Variants in CDC27 observed in about 807,000 individuals in gnomAD.
The protein encoded by CDC27 is cell division cycle protein 27 homolog.
Under a neutral mutation model 109.7 loss-of-function variants are expected in CDC27, and 27 were observed. That is an observed-to-expected ratio of 0.25 (90% CI 0.18 to 0.34). The LOEUF is 0.34. Ranked by LOEUF, CDC27 falls within the 10% of genes least tolerant of loss-of-function variation. The pLI is 1.00. For missense variants in CDC27, 579 were observed against 960.2 expected (o/e 0.60, Z 5.25); for synonymous variants, 266 against 333.9 (o/e 0.80, Z 2.22).
chr17:47,182,751 A>G (rs1027906428), intron 1 of CDC27, among the ~76,000 whole-genome samples: 2 of 152,088 alleles, frequency 1.3e-5, no homozygotes, highest in African/African-American at 4.8e-5. Context: ...TATTTTATCT[A>G]TTTTACAGCA....
chr17:47,149,691 A>T (rs1233704506), intron 9 of CDC27, among the ~76,000 whole-genome samples: 1 of 152,172 alleles, frequency 6.6e-6, no homozygotes, highest in Admixed American at 6.5e-5. Flanking sequence ...ATGGTAGCTC[A>T]TGCCTGTAAT....
At chr17:47,175,570 C>A (rs573341666) in intron 2 of CDC27, among the ~76,000 whole-genome samples, 1 of 152,318 alleles carries the variant, frequency 6.6e-6, no homozygotes, top group Non-Finnish European at 1.5e-5. Flanking sequence ...AATCTCAGCA[C>A]TCTGGGAGGC....
In CDC27 at chr17:47,172,074, G is replaced by A; in HGVS notation, c.104-10C>T. ...GCTTCTTCTGAGTGTACTAAAAACA[G>A]ACATTTTTTAAAAAGGCTATTGTTC... On this transcript the variant is annotated splice_polypyrimidine_tract_variant and intron_variant, in intron 2 of 18. Transcript: ENST00000066544. The A allele has an allele frequency of 6.5e-7, 1 of 1,534,406 alleles. No homozygotes were observed. Among genetic ancestry groups the A allele is most frequent in the African/African-American group, 1.4e-5 (1 of 71,064 alleles).
chr17:47,133,385 G>A (rs1212781882), intron 14 of CDC27, among the ~76,000 whole-genome samples: 6 of 147,834 alleles, frequency 4.1e-5, no homozygotes, highest in East Asian at 2.0e-4. Flanking sequence ...TGATCCGCCC[G>A]CCTTGGCCTC....
At chr17:47,163,821 A>G (rs1173561134) in intron 4 of CDC27, among the ~76,000 whole-genome samples, 1 of 152,116 alleles carries the variant, frequency 6.6e-6, no homozygotes, top group Non-Finnish European at 1.5e-5. Context: ...CTGGAGTACA[A>G]TGGCACGATC....
chr17:47,173,632 T>C (rs1200210186), intron 2 of CDC27, among the ~76,000 whole-genome samples: 2 of 152,144 alleles, frequency 1.3e-5, no homozygotes, highest in African/African-American at 2.4e-5. Context: ...GTAGGTCCAC[T>C]TTCACTGCAA....
At position 47,130,131 on chromosome 17, in the gene CDC27, G is replaced by C. The variant is rs1434858013; in HGVS notation, c.2032-610C>G. On this transcript the variant is annotated intron_variant, in intron 15 of 18. Transcript: ENST00000066544. ...AATCTGAGCACGTTGGGAGGCCAAGGCAGGTGGATCACGAGGTCAGGAGAT... is the reference window on the plus strand; with the variant it reads ...AATCTGAGCACGTTGGGAGGCCAAGCCAGGTGGATCACGAGGTCAGGAGAT... Among the ~76,000 whole-genome samples, 4 of 152,306 alleles carry C rather than the reference G, an allele frequency of 2.6e-5. No homozygotes were observed. In the East Asian group the frequency reaches 7.7e-4, roughly 29 times the overall value.
chr17:47,177,210 C>CA (rs1306859570), intron 2 of CDC27, among the ~76,000 whole-genome samples: 1 of 151,866 alleles, frequency 6.6e-6, no homozygotes, highest in Non-Finnish European at 1.5e-5. Flanking sequence ...CGCTTGAGCC[C>CA]AAGTGTTTGA....
intron 16 of CDC27, among the ~76,000 whole-genome samples, chr17:47,128,659 G>A (rs1000068813): frequency 1.3e-5 from 2 of 152,076 alleles, no homozygotes; most frequent in East Asian, 3.8e-4. Context: ...AAGCAGGAAA[G>A]ATGATTGCTT....
At chr17:47,148,075 G>A (rs200626406) in intron 9 of CDC27, among the ~76,000 whole-genome samples, 1 of 151,644 alleles carries the variant, frequency 6.6e-6, no homozygotes, top group Admixed American at 6.6e-5. Flanking sequence ...GCACATGCCT[G>A]TAATCCCAGC....
chr17:47,175,247 T>A (rs527941248), intron 2 of CDC27, among the ~76,000 whole-genome samples: 1 of 152,180 alleles, frequency 6.6e-6, no homozygotes, highest in East Asian at 1.9e-4. Flanking sequence ...GAAAGGTAAA[T>A]TAGTCTTTCA....
At chr17:47,151,471 T>C (rs988890001) in intron 9 of CDC27, among the ~76,000 whole-genome samples, 3 of 152,246 alleles carry the variant, frequency 2.0e-5, no homozygotes, top group African/African-American at 4.8e-5. Context: ...TTTTATAATC[T>C]GTTTATAGAC....
Position 47,159,339 on chromosome 17 carries a change from G to C in CDC27, c.378-1036C>G, listed in dbSNP as rs553880711. 5.7e-6 allele frequency: 4 copies of C among 707,718 alleles called. No individual in the cohort carries two copies. The South Asian group carries it at 8.7e-5, about 15-fold the overall frequency. 43.8% of individuals were successfully genotyped at this position (707,718 alleles called of 1,614,324 possible). ...CGGGGTCAGGTAGTTGTAGGTCTTA[G>C]AGATGGCATCAAAGGTGGCCTTGGT... is the stretch of plus-strand genomic sequence containing the variant. On this transcript the variant is annotated intron_variant, in intron 4 of 18. Coordinates refer to ENST00000066544, the MANE Select transcript of CDC27 (RefSeq NM_001256.6).
At chr17:47,161,947 C>A (rs2063510873) in intron 4 of CDC27, 1 of 151,920 alleles carries the variant, frequency 6.6e-6, no homozygotes, top group Non-Finnish European at 1.5e-5. Context: ...GAGATGACAA[C>A]TAAATCTACT....
chr17:47,158,274 T>C lies in CDC27; in HGVS notation c.407A>G (p.Glu136Gly). 1 of 1,571,806 alleles carries C rather than the reference T, an allele frequency of 6.4e-7. No individual in the cohort carries two copies. Among genetic ancestry groups the C allele is most frequent in the Non-Finnish European group, 8.6e-7 (1 of 1,159,554 alleles). Residue 136 changes from glutamate to glycine, a missense_variant, in exon 5 of 19, where the codon GAA becomes GGA. Coordinates refer to ENST00000066544, the MANE Select transcript of CDC27 (RefSeq NM_001256.6). The stretch of plus-strand genomic sequence containing the variant: ...TAAACTAAGGCTCTTTTGGTAACAT[T>C]CTGATCCTTTGGCAAGCCGATCTGT... ...CKTDRLAKGS[E>G]CYQKSLSLNP...
intron 2 of CDC27, among the ~76,000 whole-genome samples, chr17:47,175,715 T>G (rs1013481704): frequency 7.2e-5 from 11 of 151,990 alleles, no homozygotes; most frequent in African/African-American, 2.4e-4. Context: ...TCTTGGGAGG[T>G]AGAGGTACAA....
At chr17:47,164,804 G>A (rs181414358) in intron 4 of CDC27, among the ~76,000 whole-genome samples, 156 of 152,126 alleles carry the variant, frequency 1.0e-3, no homozygotes, top group African/African-American at 3.6e-3. Context: ...GCGACAGAGC[G>A]CAAGATTCCA....
chr17:47,148,692 T>C (rs1464245088), intron 9 of CDC27, among the ~76,000 whole-genome samples: 1 of 151,980 alleles, frequency 6.6e-6, no homozygotes, highest in Non-Finnish European at 1.5e-5. Context: ...TTACTACATA[T>C]AGAGGAACAA....
chr17:47,144,836 G>C (rs2062905101), intron 9 of CDC27, among the ~76,000 whole-genome samples: 1 of 150,302 alleles, frequency 6.7e-6, no homozygotes, highest in Admixed American at 6.7e-5. Flanking sequence ...TATGTAATAT[G>C]TACAGATACC....
Sources: gnomAD v4.1 joint callset for allele counts (sites outside exome capture counted in the v4.1 genomes callset) on GRCh38, gnomAD v4.1.1 for gene constraint, MANE v1.5 for transcripts, NCBI Gene and HGNC (gene_info 2026-07-23, HGNC 2026-07-21) for gene names.